The following SH3D19 variants were observed in gnomAD, a reference collection of about 807,000 sequenced individuals.
SH3D19 encodes the protein SH3 domain-containing protein 19.
In SH3D19, 58 loss-of-function variants were observed where a neutral mutation model predicts 112.1. The ratio of observed to expected loss-of-function variants is 0.52; its 90% CI spans 0.42 to 0.64. SH3D19 has a LOEUF of 0.64. Among genes scored for constraint, SH3D19 ranks in the 30% least tolerant of loss-of-function variants. SH3D19 has a pLI of 0.00. For missense variants in SH3D19, 1,090 were observed against 1,263.4 expected (o/e 0.86, Z 2.08); for synonymous variants, 391 against 448.5 (o/e 0.87, Z 1.62).
At position 151,133,119 on chromosome 4, in the gene SH3D19, TC is replaced by T. The variant is rs1423966571; in HGVS notation, c.2603del (p.Gly868GlufsTer12). 6.2e-7 allele frequency: 1 copy of T among 1,614,174 alleles called. No homozygotes were observed. The highest frequency in any genetic ancestry group is 2.2e-5 in the East Asian group (1 of 44,878). On this transcript the variant is annotated frameshift_variant, in exon 16 of 20. Transcript: ENST00000604030. LOFTEE classifies it high-confidence loss of function. ...KEYVNEEWAR[G>X]EVRGRTGIFP... The stretch of plus-strand genomic sequence containing the variant: ...AAATCCCAGTTCTGCCTCGAACTTC[TC>T]CTCTGGCCCATTCCTCATTCACATA...
At chr4:151,278,504 A>G (rs1773872992) in intron 1 of SH3D19, among the ~76,000 whole-genome samples, 1 of 152,044 alleles carries the variant, frequency 6.6e-6, no homozygotes, top group Admixed American at 6.5e-5. Flanking sequence ...AAAAGTAAGA[A>G]AAGTCTCTAA....
intron 1 of SH3D19, among the ~76,000 whole-genome samples, chr4:151,232,991 G>A (rs758490871): frequency 6.6e-6 from 1 of 152,166 alleles, no homozygotes; most frequent in Non-Finnish European, 1.5e-5. Context: ...CACAGGGCAG[G>A]AAGCAAGCAA....
At chr4:151,177,514 A>G (rs1476032499) in intron 4 of SH3D19, among the ~76,000 whole-genome samples, 1 of 151,890 alleles carries the variant, frequency 6.6e-6, no homozygotes, top group African/African-American at 2.4e-5. Flanking sequence ...ATACCCAGCT[A>G]ATTTTTGTAT....
intron 14 of SH3D19, among the ~76,000 whole-genome samples, chr4:151,135,814 T>TC (rs1305997652): frequency 3.3e-5 from 5 of 152,088 alleles, no homozygotes; most frequent in African/African-American, 1.2e-4. Flanking sequence ...CCACACCTAC[T>TC]CCAAGTGTTG....
chr4:151,172,612 C>T (rs755509473), intron 7 of SH3D19, among the ~76,000 whole-genome samples: 1 of 152,182 alleles, frequency 6.6e-6, no homozygotes, highest in Non-Finnish European at 1.5e-5. Context: ...CCTGCATAAT[C>T]ACATTTAACC....
intron 1 of SH3D19, among the ~76,000 whole-genome samples, chr4:151,300,093 C>T (rs556505820): frequency 2.6e-5 from 4 of 151,618 alleles, no homozygotes; most frequent in Non-Finnish European, 2.9e-5. Flanking sequence ...CCCAGCTACT[C>T]GGGAGGCTGA....
chr4:151,145,961 G>A (rs1012287592), intron 11 of SH3D19, among the ~76,000 whole-genome samples: 6 of 152,148 alleles, frequency 3.9e-5, no homozygotes, highest in African/African-American at 7.2e-5. Flanking sequence ...TTCAAACAGC[G>A]CCTGGCTCAT....
chr4:151,268,255 ATATAT>A, intron 1 of SH3D19, among the ~76,000 whole-genome samples: 1 of 152,334 alleles, frequency 6.6e-6, no homozygotes, highest in East Asian at 1.9e-4. Flanking sequence ...TACAGTAAAA[ATATAT>A]TATAAAAGAT....
intron 1 of SH3D19, among the ~76,000 whole-genome samples, chr4:151,235,443 T>A (rs1042030565): frequency 6.6e-6 from 1 of 152,158 alleles, no homozygotes; most frequent in Admixed American, 6.5e-5. Context: ...ATTAAAAAAA[T>A]TTATTTAACT....
chr4:151,237,022 G>A (rs954179914), intron 1 of SH3D19, among the ~76,000 whole-genome samples: 1 of 152,208 alleles, frequency 6.6e-6, no homozygotes. Context: ...CCATACTGTG[G>A]AAGCTTTGTT....
At chr4:151,279,650 G>T in intron 1 of SH3D19, 3 of 690,584 alleles carry the variant, frequency 4.3e-6, no homozygotes, top group Non-Finnish European at 7.3e-6. Context: ...AGACTGCTGG[G>T]TGTGGAACCA....
chr4:151,193,839 C>T (rs1580080755), intron 2 of SH3D19, among the ~76,000 whole-genome samples: 2 of 151,998 alleles, frequency 1.3e-5, no homozygotes, highest in East Asian at 3.8e-4. Flanking sequence ...TCAATGGACA[C>T]CTATTGAAGG....
intron 1 of SH3D19, among the ~76,000 whole-genome samples, chr4:151,240,103 A>G (rs950953445): frequency 3.6e-5 from 2 of 55,508 alleles, no homozygotes; most frequent in African/African-American, 6.7e-5. Context: ...TATCGCTACC[A>G]AAAGAAATTT....
chr4:151,150,208 T>G (rs199526944), intron 9 of SH3D19, among the ~76,000 whole-genome samples: 1 of 22,686 alleles, frequency 4.4e-5, no homozygotes, highest in Non-Finnish European at 9.6e-5. Context: ...AAAAAAAAAA[T>G]ATATATATAT....
At chr4:151,322,973 AC>A (rs113176533) in intron 1 of SH3D19, among the ~76,000 whole-genome samples, 45,191 of 152,092 alleles carry the variant, frequency 0.3, 7,116 homozygotes, top group East Asian at 0.37. Flanking sequence ...AAAAATGGTT[AC>A]ATCTAGGGGA....
intron 1 of SH3D19, among the ~76,000 whole-genome samples, chr4:151,249,216 T>C (rs1771176184): frequency 6.6e-6 from 1 of 152,204 alleles, no homozygotes; most frequent in Admixed American, 6.5e-5. Flanking sequence ...TAGGTATATA[T>C]TGATTGTATC....
intron 3 of SH3D19, among the ~76,000 whole-genome samples, chr4:151,180,864 T>C (rs943583049): frequency 4.6e-5 from 7 of 150,832 alleles, no homozygotes; most frequent in South Asian, 2.1e-4. Context: ...CCCGGGTTCA[T>C]GCCATTCTCC....
At chr4:151,259,800 C>A (rs1246473966) in intron 1 of SH3D19, among the ~76,000 whole-genome samples, 2 of 152,208 alleles carry the variant, frequency 1.3e-5, no homozygotes, top group Non-Finnish European at 2.9e-5. Flanking sequence ...AGTGCAACTA[C>A]TCTCAGACTT....
intron 1 of SH3D19, among the ~76,000 whole-genome samples, chr4:151,296,480 C>T (rs972423173): frequency 6.6e-6 from 1 of 152,018 alleles, no homozygotes; most frequent in Non-Finnish European, 1.5e-5. Flanking sequence ...AGAGCCTGTC[C>T]CCTGCAGAAA....
Sources: gnomAD v4.1 joint callset for allele counts (sites outside exome capture counted in the v4.1 genomes callset) on GRCh38, gnomAD v4.1.1 for gene constraint, MANE v1.5 for transcripts, NCBI Gene and HGNC (gene_info 2026-07-23, HGNC 2026-07-21) for gene names.